The following PRKRA variants were observed in gnomAD, a reference collection of about 807,000 sequenced individuals.
PRKRA encodes interferon-inducible double-stranded RNA-dependent protein kinase activator A.
Under a neutral mutation model 32.4 loss-of-function variants are expected in PRKRA, and 22 were observed. The observed-to-expected ratio is 0.68, with a 90% CI of 0.49 to 0.97. The LOEUF is 0.97. Ranked by LOEUF, PRKRA falls within the 50% of genes least tolerant of loss-of-function variation. PRKRA has a pLI of 0.00. For synonymous variants in PRKRA, 139 were observed against 129.8 expected (o/e 1.07, Z -0.48); for missense variants, 319 against 375.6 (o/e 0.85, Z 1.25).
Position 178,451,149 on chromosome 2 carries a change from C to G in PRKRA, c.-119G>C, listed in dbSNP as rs1035881374. The G allele has an allele frequency of 6.5e-6, 8 of 1,232,110 alleles. No individual in the cohort carries two copies. In the Admixed American group the frequency reaches 1.4e-4, roughly 22 times the overall value. The allele number at this position is 1,232,110 out of a possible 1,614,324, so 76.3% of individuals were successfully genotyped here. On this transcript the variant is annotated 5_prime_UTR_variant, in exon 1 of 8. Transcript: ENST00000325748. ...CCGCCACCTCCTCCGACTCCCCCGC[C>G]TCCTGCTTGCGTTGCTCCAGCGAGG... is the stretch of plus-strand genomic sequence containing the variant.
chr2:178,437,778 G>C (rs914560373), intron 6 of PRKRA, among the ~76,000 whole-genome samples: 1 of 152,058 alleles, frequency 6.6e-6, no homozygotes, highest in Non-Finnish European at 1.5e-5. Flanking sequence ...ATTTTATCTT[G>C]CATGAATAAA....
In PRKRA at chr2:178,451,088, TC is replaced by T. The variant is rs1697615816; in HGVS notation, c.-59del. Reference sequence around the variant, plus strand: ...GAGCGGTGCGGAGCGACGTGCTCGCTCCCCGGGTCGCTGGTCCCCGGGAGGA... The same window carrying T: ...GAGCGGTGCGGAGCGACGTGCTCGCTCCCGGGTCGCTGGTCCCCGGGAGGA... On this transcript the variant is annotated 5_prime_UTR_variant, in exon 1 of 8. Transcript: ENST00000325748. 1 of 1,518,340 alleles carries T rather than the reference TC, an allele frequency of 6.6e-7. No homozygotes were observed. The highest frequency in any genetic ancestry group is 8.8e-7 in the Non-Finnish European group (1 of 1,134,696). 94.1% of individuals were successfully genotyped at this position (1,518,340 alleles called of 1,614,324 possible). A position where few individuals can be genotyped will look rare whatever the true frequency, so the allele number is the denominator to read the frequency against.
intron 3 of PRKRA, chr2:178,445,445 AC>A (rs2154125273): frequency 6.5e-6 from 1 of 153,744 alleles, no homozygotes; most frequent in South Asian, 2.1e-4. Context: ...TGCCGAAGCT[AC>A]CCAAATAATT....
At position 178,431,521 on chromosome 2, in the gene PRKRA, C is replaced by CACA. The variant is rs145339215; in HGVS notation, c.*573_*575dup. 0.21 allele frequency: 29,490 copies of CACA among 142,988 alleles called. No homozygotes were observed. The highest frequency in any genetic ancestry group is 0.26 in the East Asian group (1,252 of 4,782). The allele number at this position is 142,988 out of a possible 1,614,324, so 8.9% of individuals were successfully genotyped here. A position where few individuals can be genotyped will look rare whatever the true frequency, so the allele number is the denominator to read the frequency against. On this transcript the variant is annotated 3_prime_UTR_variant, in exon 8 of 8. Coordinates refer to ENST00000325748, the MANE Select transcript of PRKRA (RefSeq NM_003690.5). ...GAATTATCAACATTAAAATCTTATTCACAATGGCTAACAAGAACAGGATGA... is the reference window on the plus strand; with the variant it reads ...GAATTATCAACATTAAAATCTTATTCACAACAATGGCTAACAAGAACAGGATGA...
At chr2:178,448,133 A>C (rs1357609523) in intron 2 of PRKRA, among the ~76,000 whole-genome samples, 1 of 152,140 alleles carries the variant, frequency 6.6e-6, no homozygotes, top group Non-Finnish European at 1.5e-5. Context: ...AACAGGAAAG[A>C]GTTTTATGGA....
chr2:178,441,250 AACACTTAGCAC>A (rs1172703361), intron 6 of PRKRA, among the ~76,000 whole-genome samples: 1 of 152,156 alleles, frequency 6.6e-6, no homozygotes, highest in Non-Finnish European at 1.5e-5. Context: ...TACCCAACAC[AACACTTAGCAC>A]ACAGTATGAG....
chr2:178,443,925 A>G (rs928777187), intron 4 of PRKRA: 1 of 171,738 alleles, frequency 5.8e-6, no homozygotes, highest in Non-Finnish European at 1.3e-5. Context: ...AACAGAGCAC[A>G]TGGATAATCT....
At chr2:178,438,676 G>A (rs1696998596) in intron 6 of PRKRA, among the ~76,000 whole-genome samples, 1 of 151,130 alleles carries the variant, frequency 6.6e-6, no homozygotes, top group African/African-American at 2.5e-5. Flanking sequence ...AATGAACGCT[G>A]GTAGGTTTTT....
chr2:178,440,064 A>G (rs1006100511), intron 6 of PRKRA: 1 of 152,016 alleles, frequency 6.6e-6, no homozygotes, highest in Admixed American at 6.6e-5. Flanking sequence ...TTATCTATAC[A>G]TTGCCTGAAA....
intron 3 of PRKRA, chr2:178,445,304 A>G (rs909753042): frequency 2.0e-5 from 3 of 152,206 alleles, no homozygotes; most frequent in African/African-American, 7.2e-5. Flanking sequence ...CACCTAGGCA[A>G]CTGGAGTCAT....
At chr2:178,437,014 T>C (rs1442495758) in intron 6 of PRKRA, among the ~76,000 whole-genome samples, 2 of 152,172 alleles carry the variant, frequency 1.3e-5, no homozygotes, top group Non-Finnish European at 2.9e-5. Context: ...CTCAAATTGC[T>C]TTCATATGCC....
chr2:178,431,785 G>A lies in PRKRA; in HGVS notation c.*312C>T, dbSNP rs1696660469. The A allele has an allele frequency of 2.6e-6, 1 of 391,260 alleles. No homozygotes were observed. Among genetic ancestry groups the A allele is most frequent in the Non-Finnish European group, 4.8e-6 (1 of 210,098 alleles). The allele number at this position is 391,260 out of a possible 1,614,324, so 24.2% of individuals were successfully genotyped here. On this transcript the variant is annotated 3_prime_UTR_variant, in exon 8 of 8. Coordinates refer to ENST00000325748, the MANE Select transcript of PRKRA (RefSeq NM_003690.5). Reference sequence around the variant, plus strand: ...TTAAGCACCAGTAAGAAAGACTGTCGCTAGCATTTTTATTTCATCATCAAC... The same window carrying A: ...TTAAGCACCAGTAAGAAAGACTGTCACTAGCATTTTTATTTCATCATCAAC...
At chr2:178,443,950 C>G (rs1281877696) in intron 4 of PRKRA, 2 of 169,914 alleles carry the variant, frequency 1.2e-5, no homozygotes, top group African/African-American at 4.8e-5. Flanking sequence ...GAAGGATATT[C>G]TGCATATAGA....
At chr2:178,432,817 CCATT>C (rs1696724398) in intron 7 of PRKRA, among the ~76,000 whole-genome samples, 1 of 152,052 alleles carries the variant, frequency 6.6e-6, no homozygotes. Flanking sequence ...ATGCTGTTGT[CCATT>C]CATGTTCCTA....
intron 7 of PRKRA, among the ~76,000 whole-genome samples, chr2:178,434,651 G>A (rs758740049): frequency 1.3e-5 from 2 of 151,942 alleles, no homozygotes; most frequent in African/African-American, 2.4e-5. Context: ...CATCATTATT[G>A]GTTTACTGAG....
chr2:178,432,245 C>G lies in PRKRA; in HGVS notation c.794G>C (p.Ser265Thr), dbSNP rs765525186. 1 of 1,614,224 alleles carries G rather than the reference C, an allele frequency of 6.2e-7. No homozygotes were observed. The highest frequency in any genetic ancestry group is 1.1e-5 in the South Asian group (1 of 91,086). ...AAGACATTGATATTGTCCATTGGCGCTCAGTTCATCTGTAATGACACATTC... is the reference window on the plus strand; with the variant it reads ...AAGACATTGATATTGTCCATTGGCGGTCAGTTCATCTGTAATGACACATTC... The part of the protein sequence containing the change: ...NITYLDIDEL[S>T]ANGQYQCLAE... The change falls in exon 8 of 8, where the codon AGC (serine) becomes ACC (threonine). Residue 265 changes from serine to threonine, a missense_variant. Transcript: ENST00000325748.
At chr2:178,442,596 G>A (rs2154125097) in intron 5 of PRKRA, among the ~76,000 whole-genome samples, 1 of 152,282 alleles carries the variant, frequency 6.6e-6, no homozygotes, top group Middle Eastern at 3.4e-3. Context: ...TGAGGTTCCT[G>A]CTTTTGGCCT....
Position 178,446,765 on chromosome 2 carries a change from T to G in PRKRA, c.317+740A>C, listed in dbSNP as rs546989436. ...TCCCAGCACTTTGGGAGGCCGAGGC[T>G]GGCGGATCACGAGGTCAGGAGATCG... On this transcript the variant is annotated intron_variant, in intron 3 of 7. Coordinates refer to ENST00000325748, the MANE Select transcript of PRKRA (RefSeq NM_003690.5). Among the ~76,000 whole-genome samples, 221 of 152,168 alleles carry G rather than the reference T, an allele frequency of 1.5e-3. 4 individuals carry two copies. In the South Asian group the frequency reaches 0.022, roughly 15 times the overall value.
intron 6 of PRKRA, among the ~76,000 whole-genome samples, chr2:178,438,541 A>G (rs1696992396): frequency 6.6e-6 from 1 of 152,236 alleles, no homozygotes; most frequent in East Asian, 1.9e-4. Context: ...TCAGTTTTAC[A>G]GTATGTTTTG....
Sources: gnomAD v4.1 joint callset for allele counts (sites outside exome capture counted in the v4.1 genomes callset) on GRCh38, gnomAD v4.1.1 for gene constraint, MANE v1.5 for transcripts, NCBI Gene and HGNC (gene_info 2026-07-23, HGNC 2026-07-21) for gene names.